The following DMGDH variants were observed in gnomAD, a reference collection of about 807,000 sequenced individuals.
DMGDH encodes the protein dimethylglycine dehydrogenase, mitochondrial.
DMGDH carries 76 observed loss-of-function variants against 95.2 expected under a neutral mutation model. That is an observed-to-expected ratio of 0.80 (90% CI 0.66 to 0.97). The LOEUF (loss-of-function observed/expected upper bound fraction) is 0.97. DMGDH is among the 50% of genes least tolerant of loss of function. The pLI is 0.00. For synonymous variants in DMGDH, 345 were observed against 377.6 expected (o/e 0.91, Z 1.00); for missense variants, 987 against 1,055.0 (o/e 0.94, Z 0.89).
intron 7 of DMGDH, among the ~76,000 whole-genome samples, chr5:79,038,408 C>G (rs1331392554): frequency 6.6e-6 from 1 of 152,038 alleles, no homozygotes; most frequent in Non-Finnish European, 1.5e-5. Context: ...TGCTTGAACC[C>G]GGGAGGTGGA....
At chr5:79,058,928 A>G (rs1755112587) in intron 2 of DMGDH, among the ~76,000 whole-genome samples, 1 of 152,132 alleles carries the variant, frequency 6.6e-6, no homozygotes, top group African/African-American at 2.4e-5. Context: ...AGCCTCTACT[A>G]CCTCAAAAAG....
chr5:79,053,542 C>T (rs182975823), intron 4 of DMGDH, among the ~76,000 whole-genome samples: 6 of 149,630 alleles, frequency 4.0e-5, no homozygotes, highest in African/African-American at 1.3e-4. Flanking sequence ...TACATAAATA[C>T]GTGCCATGAA....
At chr5:79,060,372 A>G (rs554128803) in intron 2 of DMGDH, among the ~76,000 whole-genome samples, 1 of 152,312 alleles carries the variant, frequency 6.6e-6, no homozygotes, top group East Asian at 1.9e-4. Flanking sequence ...CCTATTAGGT[A>G]TATCATGAGC....
intron 10 of DMGDH, 186 bp downstream of exon 10, chr5:79,030,647 C>CAAAA (rs59687681): frequency 5.7e-5 from 22 of 386,304 alleles, no homozygotes; most frequent in Admixed American, 2.0e-4. Context: ...CTCTGTCTCT[C>CAAAA]AAAAAAAAAA....
At chr5:79,046,230 G>T in intron 5 of DMGDH, among the ~76,000 whole-genome samples, 1 of 152,118 alleles carries the variant, frequency 6.6e-6, no homozygotes, top group South Asian at 2.1e-4. Context: ...GGGATTACAG[G>T]TATCCGCCGC....
chr5:79,022,010 C>T (rs1580192751), intron 14 of DMGDH, among the ~76,000 whole-genome samples: 1 of 152,312 alleles, frequency 6.6e-6, no homozygotes, highest in Non-Finnish European at 1.5e-5. Context: ...AGCTCTGATA[C>T]AGTCAGCTTC....
At chr5:79,056,486 T>C (rs1310027521) in intron 2 of DMGDH, among the ~76,000 whole-genome samples, 1 of 151,952 alleles carries the variant, frequency 6.6e-6, no homozygotes, top group Admixed American at 6.6e-5. Flanking sequence ...GAGCTTGCAG[T>C]GAGCCAAGAT....
chr5:79,042,630 C>T, intron 6 of DMGDH, 149 bp from the exon 7 acceptor site: 2 of 730,150 alleles, frequency 2.7e-6, no homozygotes, highest in Non-Finnish European at 2.4e-6. Flanking sequence ...TTCATATTCC[C>T]TATCAACAGA....
At chr5:79,021,161 G>T (rs1053942879) in intron 14 of DMGDH, 16 of 987,528 alleles carry the variant, frequency 1.6e-5, no homozygotes, top group African/African-American at 3.5e-5. Context: ...TTTGGTCAAG[G>T]CTTCCTGAAG....
At chr5:79,017,426 A>T (rs1287139942) in intron 14 of DMGDH, among the ~76,000 whole-genome samples, 1 of 152,248 alleles carries the variant, frequency 6.6e-6, no homozygotes, top group African/African-American at 2.4e-5. Context: ...ATCATTTGAC[A>T]TTAAGGAAAT....
Position 79,051,295 on chromosome 5 carries a change from T to C in DMGDH, c.737A>G (p.Asn246Ser), listed in dbSNP as rs565841966. The C allele has an allele frequency of 2.5e-6, 4 of 1,614,162 alleles. No homozygotes were observed. Among genetic ancestry groups the C allele is most frequent in the Middle Eastern group, 1.6e-4 (1 of 6,062 alleles). Reference sequence around the variant, plus strand: ...AAAAATGATATGCTTACCTGCAGCATTCACAATTCTATTTGCTCTCATAGA... The same window carrying C: ...AAAAATGATATGCTTACCTGCAGCACTCACAATTCTATTTGCTCTCATAGA... ...QGSMRANRIVNAAGFWAREVG... is the reference protein window; with the variant it reads ...QGSMRANRIVSAAGFWAREVG... Residue 246 changes from asparagine (N) to serine (S), a missense_variant, in exon 5 of 16, where the codon AAT (asparagine) becomes AGT (serine). Physicochemically the swap from Asn to Ser is conservative, Grantham distance 46. Coordinates refer to ENST00000255189, the MANE Select transcript of DMGDH (RefSeq NM_013391.3).
intron 5 of DMGDH, among the ~76,000 whole-genome samples, chr5:79,050,022 C>G (rs1034089337): frequency 4.0e-5 from 6 of 151,584 alleles, no homozygotes; most frequent in African/African-American, 1.5e-4. Context: ...TTTGGGAGGC[C>G]GAGGCGGGTA....
At chr5:79,017,764 T>C (rs770016316) in intron 14 of DMGDH, among the ~76,000 whole-genome samples, 16 of 152,254 alleles carry the variant, frequency 1.1e-4, no homozygotes, top group Non-Finnish European at 1.9e-4. Flanking sequence ...GATCCACTTA[T>C]ATGTGCATTT....
intron 14 of DMGDH, among the ~76,000 whole-genome samples, chr5:79,009,454 T>G (rs1017293561): frequency 1.3e-5 from 2 of 150,588 alleles, no homozygotes; most frequent in African/African-American, 4.9e-5. Context: ...CTCCACCTCC[T>G]GGGTTCAAGC....
chr5:79,045,414 T>C (rs1019856054), intron 5 of DMGDH, among the ~76,000 whole-genome samples: 1 of 152,178 alleles, frequency 6.6e-6, no homozygotes, highest in Non-Finnish European at 1.5e-5. Context: ...GACCCTTGAT[T>C]CTTTCCCAGG....
chr5:79,030,714 G>T, intron 10 of DMGDH, 119 bp downstream of exon 10: 6 of 952,030 alleles, frequency 6.3e-6, no homozygotes, highest in African/African-American at 1.7e-5. Context: ...GTATACTTTT[G>T]GTCAGTTGAA....
rs1242990162 is a variant in DMGDH at position 79,042,524 on chromosome 5, T to G, written c.995-43A>C. On this transcript the variant is annotated intron_variant, in intron 6 of 15. Coordinates refer to ENST00000255189, the MANE Select transcript of DMGDH (RefSeq NM_013391.3). ...TGTGGTCAGGATGCCGTAGCTGAGC[T>G]GACAAGTCCTGTAAAGTGATTTAAG... The G allele has an allele frequency of 5.7e-6, 9 of 1,589,548 alleles. No individual in the cohort carries two copies. In the East Asian group the frequency reaches 2.0e-4, roughly 36 times the overall value.
chr5:79,005,286 C>T lies in DMGDH; in HGVS notation c.2372G>A (p.Trp791Ter). ...CTCAGCACTCACCTTGCCATTGTAC[C>T]AGATGCTTTCATTTCCCTCTGGATC... ...DVDPEGNESIWYNGKVVGNTT... is the reference protein window; with the variant it reads ...DVDPEGNESI Residue 791 changes from tryptophan to a stop codon, truncating the protein, a stop_gained, in exon 15 of 16, where the codon TGG (tryptophan) becomes TAG (stop). Coordinates refer to ENST00000255189, the MANE Select transcript of DMGDH (RefSeq NM_013391.3). LOFTEE classifies it high-confidence loss of function. 6.2e-7 allele frequency: 1 copy of T among 1,613,688 alleles called. No homozygotes were observed. Among genetic ancestry groups the T allele is most frequent in the Non-Finnish European group, 8.5e-7 (1 of 1,179,884 alleles).
At chr5:79,051,736 C>T (rs1378027465) in intron 4 of DMGDH, among the ~76,000 whole-genome samples, 2 of 152,116 alleles carry the variant, frequency 1.3e-5, no homozygotes, top group Non-Finnish European at 2.9e-5. Context: ...CATTTGAAGA[C>T]AAATCTAATT....
Sources: gnomAD v4.1 joint callset for allele counts (sites outside exome capture counted in the v4.1 genomes callset) on GRCh38, gnomAD v4.1.1 for gene constraint, MANE v1.5 for transcripts, NCBI Gene and HGNC (gene_info 2026-07-23, HGNC 2026-07-21) for gene names.